Variants in PCOLCE2 observed in about 807,000 individuals in gnomAD.
The protein encoded by PCOLCE2 is procollagen C-proteinase enhancer 2.
A neutral mutation model predicts 47.0 loss-of-function variants in PCOLCE2; 42 were observed. The observed-to-expected ratio is 0.89, with a 90% CI of 0.70 to 1.16. The LOEUF (loss-of-function observed/expected upper bound fraction) is 1.16. Among genes scored for constraint, PCOLCE2 ranks in the 50% most tolerant of loss-of-function variants. The probability of loss-of-function intolerance (pLI) is 0.00; values close to 1 mark genes in which losing one functional copy is unlikely to be tolerated. For synonymous variants in PCOLCE2, 169 were observed against 191.7 expected (o/e 0.88, Z 0.98); for missense variants, 500 against 526.1 (o/e 0.95, Z 0.49).
Position 142,887,791 on chromosome 3 carries a change from A to C in PCOLCE2, c.84-14T>G, listed in dbSNP as rs1021471321. ...GTGAAAACAGGTCTGGGAACATAAA[A>C]GAAGAAAAGATAATGTAATTTGAAA... On this transcript the variant is annotated splice_polypyrimidine_tract_variant and intron_variant, in intron 1 of 8. Transcript: ENST00000295992. 2.9e-6 allele frequency: 4 copies of C among 1,365,260 alleles called. No homozygotes were observed. 84.6% of individuals were successfully genotyped at this position (1,365,260 alleles called of 1,614,324 possible).
intron 5 of PCOLCE2, among the ~76,000 whole-genome samples, chr3:142,836,224 A>T (rs371244875): frequency 1.7e-4 from 26 of 152,328 alleles, no homozygotes; most frequent in African/African-American, 6.3e-4. Flanking sequence ...AGCCAAGGCA[A>T]AACCAGCCAG....
chr3:142,861,030 T>C (rs1933172873), intron 2 of PCOLCE2, among the ~76,000 whole-genome samples: 1 of 152,264 alleles, frequency 6.6e-6, no homozygotes, highest in Non-Finnish European at 1.5e-5. Context: ...ACCAAAGGTG[T>C]ACAGAGATTA....
Position 142,829,699 on chromosome 3 carries a change from T to C in PCOLCE2, c.858A>G (p.Val286=). 6.3e-7 allele frequency: 1 copy of C among 1,580,162 alleles called. No individual in the cohort carries two copies. ...TEQPVTTTFP[V]TTGLKPTVAL... ...CCAAACAGGAAAACTTACCCGTGGT[T>C]ACAGGGAATGTGGTGGTGACAGGCT... Residue 286 remains valine, a synonymous_variant, in exon 6 of 9, where the codon GTA becomes GTG. Transcript: ENST00000295992.
intron 2 of PCOLCE2, among the ~76,000 whole-genome samples, chr3:142,882,033 C>T (rs1166605459): frequency 6.6e-6 from 1 of 151,850 alleles, no homozygotes; most frequent in Admixed American, 6.6e-5. Flanking sequence ...TCATCGTCGT[C>T]ATCATCATCA....
At position 142,888,970 on chromosome 3, in the gene PCOLCE2, C is replaced by T. The variant is rs574034893; in HGVS notation, c.-74G>A. 3.3e-5 allele frequency: 23 copies of T among 705,730 alleles called. No individual in the cohort carries two copies. In the South Asian group the frequency reaches 8.2e-4, roughly 25 times the overall value. The allele number at this position is 705,730 out of a possible 1,614,324, so 43.7% of individuals were successfully genotyped here. On this transcript the variant is annotated 5_prime_UTR_variant, in exon 1 of 9. Transcript: ENST00000295992. ...CACACGCCCCTCCGCACCCACCGCG[C>T]TCACACCGCCGCTCACACTGGCAGC...
chr3:142,876,484 C>T (rs1933500497), intron 2 of PCOLCE2, among the ~76,000 whole-genome samples: 1 of 152,106 alleles, frequency 6.6e-6, no homozygotes, highest in Non-Finnish European at 1.5e-5. Flanking sequence ...ACAAACCACC[C>T]CCAAATTTAG....
Position 142,823,602 on chromosome 3 carries a change from G to A in PCOLCE2, c.879C>T (p.Thr293=), listed in dbSNP as rs374447626. 1.0e-4 allele frequency: 165 copies of A among 1,604,522 alleles called. No individual in the cohort carries two copies. The highest frequency in any genetic ancestry group is 1.3e-4 in the Non-Finnish European group (149 of 1,171,820). Residue 293 remains threonine (T), a synonymous_variant, in exon 7 of 9, where the codon ACC becomes ACT. Transcript: ENST00000295992. Reference sequence around the variant, plus strand: ...TACACTTTTGTTGACACAAGGCCACGGTGGGTTTTAAACCTTAATTCAAAG... The same window carrying A: ...TACACTTTTGTTGACACAAGGCCACAGTGGGTTTTAAACCTTAATTCAAAG... The part of the protein sequence containing the change: ...TFPVTTGLKP[T]VALCQQKCRR...
rs769413675 is a variant in PCOLCE2, at chr3:142,887,764, A to T, written c.97T>A (p.Cys33Ser). Residue 33 changes from cysteine to serine, a missense_variant, in exon 2 of 9, where the codon TGT (cysteine) becomes AGT (serine). Coordinates refer to ENST00000295992, the MANE Select transcript of PCOLCE2 (RefSeq NM_013363.4). ...GACTCTCCAGTAAGAATGCCACCAC[A>T]TGTGAAAACAGGTCTGGGAACATAA... is the stretch of plus-strand genomic sequence containing the variant. ...QQSPERPVFT[C>S]GGILTGESGF... 3.1e-6 allele frequency: 5 copies of T among 1,587,866 alleles called. No homozygotes were observed. The Admixed American group carries it at 8.3e-5, about 26-fold the overall frequency.
chr3:142,844,849 AT>A lies in PCOLCE2; in HGVS notation c.449-1802del, dbSNP rs1937306677. ...TTCTCCCCTTCTGTAGGCTATTTGT[AT>A]TTGTAACCATGTCTTTTTATAAGTA... On this transcript the variant is annotated intron_variant, in intron 3 of 8. Coordinates refer to ENST00000295992, the MANE Select transcript of PCOLCE2 (RefSeq NM_013363.4). Among the ~76,000 whole-genome samples the A allele has an allele frequency of 2.6e-5, 4 of 152,130 alleles. No individual in the cohort carries two copies. In the South Asian group the frequency reaches 8.3e-4, roughly 32 times the overall value.
At position 142,888,848 on chromosome 3, in the gene PCOLCE2, C is replaced by T; in HGVS notation, c.49G>A (p.Ala17Thr). The change falls in exon 1 of 9, where the codon GCC (alanine) becomes ACC (threonine). Residue 17 changes from alanine (A) to threonine (T), a missense_variant. By Grantham distance (58) the Ala-to-Thr change is moderately conservative. Coordinates refer to ENST00000295992, the MANE Select transcript of PCOLCE2 (RefSeq NM_013363.4). ...WAPLCLLLAAATQLSRQQSPE... is the reference protein window; with the variant it reads ...WAPLCLLLAATTQLSRQQSPE... ...GACTGCTGCCGCGAGAGCTGGGTGG[C>T]GGCAGCCAGCAGCAGGCAGAGTGGC... The T allele has an allele frequency of 1.9e-6, 3 of 1,544,954 alleles. No homozygotes were observed. The highest frequency in any genetic ancestry group is 1.7e-6 in the Non-Finnish European group (2 of 1,148,146).
chr3:142,873,368 G>A (rs932367627), intron 2 of PCOLCE2, among the ~76,000 whole-genome samples: 17 of 150,282 alleles, frequency 1.1e-4, no homozygotes, highest in Middle Eastern at 3.2e-3. Flanking sequence ...ACTCCAGCCC[G>A]GGCAACTAGA....
At chr3:142,823,457 A>T in intron 7 of PCOLCE2, 75 bp downstream of exon 7, 2 of 844,710 alleles carry the variant, frequency 2.4e-6, no homozygotes, top group Non-Finnish European at 4.0e-6. Flanking sequence ...ATAAATTCAT[A>T]GGAATTCCTT....
chr3:142,855,905 C>T (rs1933051047), intron 2 of PCOLCE2, among the ~76,000 whole-genome samples: 1 of 152,162 alleles, frequency 6.6e-6, no homozygotes, highest in Non-Finnish European at 1.5e-5. Context: ...TTGGGTTAGG[C>T]CACTGAGACT....
intron 5 of PCOLCE2, among the ~76,000 whole-genome samples, chr3:142,837,034 C>G (rs1937211366): frequency 6.6e-6 from 1 of 152,094 alleles, no homozygotes; most frequent in African/African-American, 2.4e-5. Flanking sequence ...CTAGGTAGGC[C>G]CTAAATGTAA....
At chr3:142,836,723 C>CT (rs201811119) in intron 5 of PCOLCE2, among the ~76,000 whole-genome samples, 7 of 148,776 alleles carry the variant, frequency 4.7e-5, no homozygotes, top group Admixed American at 1.3e-4. Context: ...GAGTTTAAAA[C>CT]TTTTTTTTTT....
intron 2 of PCOLCE2, among the ~76,000 whole-genome samples, chr3:142,873,329 G>T (rs1178143343): frequency 6.7e-6 from 1 of 150,106 alleles, no homozygotes; most frequent in Non-Finnish European, 1.5e-5. Context: ...GGAGGCAGAG[G>T]TTGCAGTGAG....
In PCOLCE2 at chr3:142,835,713, G is replaced by T. The variant is rs142073010; in HGVS notation, c.710+3057C>A. 5.7e-3 allele frequency among the ~76,000 whole-genome samples: 871 copies of T among 152,250 alleles called. 3 individuals are homozygous for T. The highest frequency in any genetic ancestry group is 9.1e-3 in the Non-Finnish European group (619 of 68,012). ...GCTGGAGTGCAGTGGCACGATTATA[G>T]CTCAGTGTGGCATCGATCTCCTGGG... On this transcript the variant is annotated intron_variant, in intron 5 of 8. Coordinates refer to ENST00000295992, the MANE Select transcript of PCOLCE2 (RefSeq NM_013363.4).
intron 2 of PCOLCE2, among the ~76,000 whole-genome samples, chr3:142,867,995 G>T (rs1933315878): frequency 6.6e-6 from 1 of 152,098 alleles, no homozygotes; most frequent in Non-Finnish European, 1.5e-5. Flanking sequence ...GAAATGAAAT[G>T]GTTATAAACT....
intron 5 of PCOLCE2, among the ~76,000 whole-genome samples, chr3:142,836,760 C>T (rs1394873008): frequency 6.7e-6 from 1 of 150,186 alleles, no homozygotes; most frequent in Non-Finnish European, 1.5e-5. Flanking sequence ...GGTTTATAGG[C>T]TATGGGGAAG....
Sources: gnomAD v4.1 joint callset for allele counts (sites outside exome capture counted in the v4.1 genomes callset) on GRCh38, gnomAD v4.1.1 for gene constraint, MANE v1.5 for transcripts, NCBI Gene and HGNC (gene_info 2026-07-23, HGNC 2026-07-21) for gene names.